RPS6KA5: variants seen among roughly 807,000 people sequenced by gnomAD.
The protein encoded by RPS6KA5 is ribosomal protein S6 kinase A5.
In RPS6KA5, 27 loss-of-function variants were observed where a neutral mutation model predicts 85.5. That is an observed-to-expected ratio of 0.32 (90% CI 0.23 to 0.44). The LOEUF (loss-of-function observed/expected upper bound fraction) is 0.44, where lower values mean the gene tolerates loss of function less well. RPS6KA5 is among the 20% of genes least tolerant of loss of function. The pLI, the probability that RPS6KA5 is intolerant of heterozygous loss-of-function variation, is 1.00. For synonymous variants in RPS6KA5, 334 were observed against 348.2 expected (o/e 0.96, Z 0.46); for missense variants, 811 against 980.9 (o/e 0.83, Z 2.31).
In RPS6KA5 at chr14:90,852,773, A is replaced by T. The variant is rs1478798594; in HGVS notation, c.*19301T>A. On this transcript the variant is annotated 3_prime_UTR_variant, in exon 17 of 17. Coordinates refer to ENST00000614987, the MANE Select transcript of RPS6KA5 (RefSeq NM_004755.4). ...GAGACAGAGTCTTGCTCTGTCGCCC[A>T]GGCTGGAGTGCAGTGGCGCGATCTC... 1 of 119,612 alleles carries T rather than the reference A, an allele frequency of 8.4e-6. No individual in the cohort carries two copies. Among genetic ancestry groups the T allele is most frequent in the Non-Finnish European group, 1.6e-5 (1 of 61,860 alleles). 7.4% of individuals were successfully genotyped at this position (119,612 alleles called of 1,614,324 possible).
chr14:90,987,394 C>T (rs1449908588), intron 2 of RPS6KA5, among the ~76,000 whole-genome samples: 4 of 152,036 alleles, frequency 2.6e-5, no homozygotes, highest in Non-Finnish European at 4.4e-5. Context: ...CTTTAAGTTG[C>T]CTAGTGCAAT....
chr14:90,911,446 T>G (rs1038670247), intron 7 of RPS6KA5: 2 of 152,244 alleles, frequency 1.3e-5, no homozygotes, highest in Non-Finnish European at 2.9e-5. Context: ...CACAATCTTT[T>G]CCATTTCATG....
chr14:90,978,289 T>G lies in RPS6KA5; in HGVS notation c.394+17A>C. On this transcript the variant is annotated intron_variant, in intron 3 of 16. Transcript: ENST00000614987. ...AAAAGTGTTTTCATAAAAAGTCTGA[T>G]AACAACTGACACTTACCTAAAATGA... 1 of 1,570,690 alleles carries G rather than the reference T, an allele frequency of 6.4e-7. No homozygotes were observed. The highest frequency in any genetic ancestry group is 8.6e-7 in the Non-Finnish European group (1 of 1,156,712).
chr14:91,017,662 G>T (rs1266900402), intron 1 of RPS6KA5, among the ~76,000 whole-genome samples: 1 of 152,188 alleles, frequency 6.6e-6, no homozygotes, highest in African/African-American at 2.4e-5. Context: ...AGAGTTAATG[G>T]ATTCAGGAAT....
rs1352956993 is a variant in RPS6KA5 at position 90,848,981 on chromosome 14, A to C, written c.*23093T>G. ...GCAGAGGATGGCAAAGATCAACAAA[A>C]GAAAAGAGTCCACCGCACTCCAGCC... On this transcript the variant is annotated 3_prime_UTR_variant, in exon 17 of 17. Transcript: ENST00000614987. 1 of 151,424 alleles carries C rather than the reference A, an allele frequency of 6.6e-6. No homozygotes were observed. Among genetic ancestry groups the C allele is most frequent in the East Asian group, 1.9e-4 (1 of 5,196 alleles). 9.4% of individuals were successfully genotyped at this position (151,424 alleles called of 1,614,324 possible).
rs1356606981 is a variant in RPS6KA5 at position 90,920,301 on chromosome 14, G to C, written c.711C>G (p.Asp237Glu). Reference sequence around the variant, plus strand: ...ACATTAGAACACCCAAACTCCACCAGTCAACTGCCTATAAAACAACAATAA... The same window carrying C: ...ACATTAGAACACCCAAACTCCACCACTCAACTGCCTATAAAACAACAATAA... Reference protein sequence around the residue: ...GGDSGHDKAVDWWSLGVLMYE... With the variant: ...GGDSGHDKAVEWWSLGVLMYE... Residue 237 changes from aspartate (D) to glutamate (E), a missense_variant, in exon 7 of 17, where the codon GAC becomes GAG. This residue lies in a region of RPS6KA5 where 650 missense variants were observed against 793.4 expected (regional missense o/e 0.82). Coordinates refer to ENST00000614987, the MANE Select transcript of RPS6KA5 (RefSeq NM_004755.4). The C allele has an allele frequency of 6.3e-7, 1 of 1,592,688 alleles. No individual in the cohort carries two copies. The highest frequency in any genetic ancestry group is 8.6e-7 in the Non-Finnish European group (1 of 1,162,248).
intron 12 of RPS6KA5, among the ~76,000 whole-genome samples, chr14:90,895,624 G>A (rs2034796015): frequency 6.6e-6 from 1 of 152,028 alleles, no homozygotes; most frequent in Non-Finnish European, 1.5e-5. Flanking sequence ...AAAGCAAAGG[G>A]CTATAGATCC....
At chr14:90,997,405 C>T (rs1037296852) in intron 2 of RPS6KA5, among the ~76,000 whole-genome samples, 3 of 152,228 alleles carry the variant, frequency 2.0e-5, no homozygotes, top group Admixed American at 6.5e-5. Context: ...TTTAGAGAGA[C>T]GGTCTTGCTC....
At chr14:90,929,867 G>T (rs1408872105) in intron 5 of RPS6KA5, among the ~76,000 whole-genome samples, 3 of 152,070 alleles carry the variant, frequency 2.0e-5, no homozygotes, top group Admixed American at 1.3e-4. Flanking sequence ...AAAATGATAG[G>T]CTTTTTTTTC....
chr14:90,929,904 T>C (rs1188667001), intron 5 of RPS6KA5, among the ~76,000 whole-genome samples: 1 of 152,174 alleles, frequency 6.6e-6, no homozygotes, highest in Non-Finnish European at 1.5e-5. Flanking sequence ...AAAGTCTTGC[T>C]CTGTTGTCTA....
chr14:90,979,887 G>C (rs1346542502), intron 2 of RPS6KA5, among the ~76,000 whole-genome samples: 1 of 152,246 alleles, frequency 6.6e-6, no homozygotes, highest in East Asian at 1.9e-4. Flanking sequence ...AATGCAAGGA[G>C]TGTGACTCCA....
intron 1 of RPS6KA5, among the ~76,000 whole-genome samples, chr14:91,035,660 A>C (rs182419136): frequency 6.6e-6 from 1 of 151,986 alleles, no homozygotes; most frequent in African/African-American, 2.4e-5. Flanking sequence ...GAAACAAGAT[A>C]TACCAAACCC....
At chr14:90,913,665 CTT>C (rs758935365) in intron 7 of RPS6KA5, among the ~76,000 whole-genome samples, 10 of 152,112 alleles carry the variant, frequency 6.6e-5, no homozygotes, top group African/African-American at 2.4e-4. Flanking sequence ...CCTTTGTACA[CTT>C]TTTTTTCTGT....
At chr14:90,899,964 T>G (rs1406653881) in intron 11 of RPS6KA5, 144 bp downstream of exon 11, 1 of 518,550 alleles carries the variant, frequency 1.9e-6, no homozygotes, top group Non-Finnish European at 3.1e-6. Context: ...AAAAGTATAA[T>G]GGACCAACTG....
chr14:90,981,397 T>C (rs1390106477), intron 2 of RPS6KA5, among the ~76,000 whole-genome samples: 3 of 152,172 alleles, frequency 2.0e-5, no homozygotes, highest in Admixed American at 6.5e-5. Flanking sequence ...CACTGATATG[T>C]TGTGTGGGGT....
intron 1 of RPS6KA5, among the ~76,000 whole-genome samples, chr14:91,034,185 G>C (rs1293674811): frequency 6.6e-6 from 1 of 151,634 alleles, no homozygotes; most frequent in Non-Finnish European, 1.5e-5. Flanking sequence ...TACACCTGTA[G>C]TCCCAGCTAC....
intron 3 of RPS6KA5, among the ~76,000 whole-genome samples, chr14:90,972,846 T>C (rs1050061007): frequency 6.6e-6 from 1 of 151,990 alleles, no homozygotes. Flanking sequence ...CTACCAGAAA[T>C]GATTAATTAC....
intron 2 of RPS6KA5, among the ~76,000 whole-genome samples, chr14:90,979,187 G>A: frequency 6.6e-6 from 1 of 152,218 alleles, no homozygotes; most frequent in South Asian, 2.1e-4. Context: ...TACGTGTGGT[G>A]CCCCTCCTCC....
In RPS6KA5 at chr14:90,859,103, A is replaced by G. The variant is rs2032417952; in HGVS notation, c.*12971T>C. The G allele has an allele frequency of 6.6e-6, 1 of 152,204 alleles. No individual in the cohort carries two copies. The highest frequency in any genetic ancestry group is 1.5e-5 in the Non-Finnish European group (1 of 68,084). 9.4% of individuals were successfully genotyped at this position (152,204 alleles called of 1,614,324 possible). A position where few individuals can be genotyped will look rare whatever the true frequency, so the allele number is the denominator to read the frequency against. On this transcript the variant is annotated 3_prime_UTR_variant, in exon 17 of 17. Coordinates refer to ENST00000614987, the MANE Select transcript of RPS6KA5 (RefSeq NM_004755.4). The stretch of plus-strand genomic sequence containing the variant: ...GTCACCGAGGTGAAGTGGCCCTGAT[A>G]AACACCCTAGATTTTCAGATGAGAG...
Sources: allele counts gnomAD v4.1 joint callset (sites outside exome capture counted in the v4.1 genomes callset), GRCh38; gene constraint gnomAD v4.1.1; regional missense constraint gnomAD v4.1.1; transcripts MANE v1.5; gene names NCBI Gene and HGNC (gene_info 2026-07-23, HGNC 2026-07-21).